The following MRAP variants were observed in gnomAD, a reference collection of about 807,000 sequenced individuals.
MRAP encodes the protein melanocortin-2 receptor accessory protein.
Under a neutral mutation model 8.7 loss-of-function variants are expected in MRAP, and 8 were observed. The observed-to-expected ratio is 0.92, with a 90% CI of 0.54 to 1.66. The LOEUF (loss-of-function observed/expected upper bound fraction) is 1.66, where lower values mean the gene tolerates loss of function less well. Ranked by LOEUF, MRAP falls within the 40% of genes most tolerant of loss-of-function variation. MRAP has a pLI of 0.00. For synonymous variants in MRAP, 95 were observed against 95.5 expected, an observed-to-expected ratio of 1.00 and a Z score of 0.03; for missense variants, 237 against 217.1, an observed-to-expected ratio of 1.09 and a Z score of -0.58.
chr21:32,304,916 T>C (rs1417625716), intron 1 of MRAP, among the ~76,000 whole-genome samples: 1 of 151,712 alleles, frequency 6.6e-6, no homozygotes, highest in Admixed American at 6.6e-5. Flanking sequence ...TCGCCAATAC[T>C]GTGCCTTTTC....
rs1569026409 is a variant in MRAP at position 32,300,698 on chromosome 21, GGGCGTCATGCGTCCT to G, written c.106+1622_106+1636del. 6.0e-3 allele frequency among the ~76,000 whole-genome samples: 88 copies of G among 14,722 alleles called. 2 individuals are homozygous for G. The highest frequency in any genetic ancestry group is 7.2e-3 in the African/African-American group (41 of 5,734). 9.7% of individuals were successfully genotyped at this position (14,722 alleles called of 152,430 possible). Reference sequence around the variant, plus strand: ...GGATGTGTCACGCGTCCTATGTCAGGGGCGTCATGCGTCCTATGTCGGGGCGTCATTCGTCCTATG... The same window carrying G: ...GGATGTGTCACGCGTCCTATGTCAGGATGTCGGGGCGTCATTCGTCCTATG... On this transcript the variant is annotated intron_variant, in intron 1 of 2. Transcript: ENST00000303645.
chr21:32,295,607 T>C (rs1396528533), upstream of MRAP, among the ~76,000 whole-genome samples: 3 of 152,188 alleles, frequency 2.0e-5, no homozygotes, highest in African/African-American at 7.2e-5. Context: ...TGCTCATACC[T>C]GACTAGCTAC....
chr21:32,310,337 TG>T (rs113685676), intron 2 of MRAP, among the ~76,000 whole-genome samples: 1,610 of 124,394 alleles, frequency 0.013, 26 homozygotes, highest in African/African-American at 0.042. Context: ...CTTCCCATGA[TG>T]GGGGGGGGAG....
chr21:32,302,371 G>A (rs1161838520), intron 1 of MRAP, among the ~76,000 whole-genome samples: 1 of 152,212 alleles, frequency 6.6e-6, no homozygotes, highest in Non-Finnish European at 1.5e-5. Flanking sequence ...AGTATTTGAT[G>A]AATATATGTG....
chr21:32,295,065 T>C (rs1332086935), upstream of MRAP, among the ~76,000 whole-genome samples: 1 of 151,350 alleles, frequency 6.6e-6, no homozygotes, highest in Non-Finnish European at 1.5e-5. Flanking sequence ...TGATGGATAG[T>C]GGTATCACTA....
rs960161243 is a variant in MRAP, at chr21:32,312,232, T to C, written c.*236T>C. On this transcript the variant is annotated 3_prime_UTR_variant, in exon 3 of 3. Transcript: ENST00000303645. ...GAGCACACCTAGCCTGCTTGCTTAC[T>C]GCTTATATTTGCTCAGGGAAGAGTA... 1.4e-6 allele frequency: 2 copies of C among 1,433,622 alleles called. No individual in the cohort carries two copies. The highest frequency in any genetic ancestry group is 2.9e-5 in the African/African-American group (2 of 69,804). 88.8% of individuals were successfully genotyped at this position (1,433,622 alleles called of 1,614,324 possible). A position where few individuals can be genotyped will look rare whatever the true frequency, so the allele number is the denominator to read the frequency against.
chr21:32,297,990 A>G (rs2123494316), upstream of MRAP, among the ~76,000 whole-genome samples: 1 of 152,304 alleles, frequency 6.6e-6, no homozygotes, highest in East Asian at 1.9e-4. Context: ...TGAATCAAGA[A>G]CACAAGAAAG....
chr21:32,302,622 T>C (rs1178589789), intron 1 of MRAP, among the ~76,000 whole-genome samples: 1 of 152,236 alleles, frequency 6.6e-6, no homozygotes, highest in African/African-American at 2.4e-5. Flanking sequence ...CACATCCTTC[T>C]AGCTCATTGC....
intron 2 of MRAP, chr21:32,311,473 C>A: frequency 2.2e-6 from 1 of 464,144 alleles, no homozygotes; most frequent in Non-Finnish European, 3.6e-6. Flanking sequence ...GACCTGAGGC[C>A]TAGTTCCTGA....
chr21:32,310,281 T>C (rs967881729), intron 2 of MRAP, among the ~76,000 whole-genome samples: 2 of 148,526 alleles, frequency 1.3e-5, no homozygotes, highest in Non-Finnish European at 1.5e-5. Context: ...GGCGGCAAAG[T>C]GGATCCTCAG....
rs1269804585 is a variant in MRAP, at chr21:32,312,028, C to T, written c.*32C>T. 6.2e-6 allele frequency: 10 copies of T among 1,612,106 alleles called. No individual in the cohort carries two copies. Among genetic ancestry groups the T allele is most frequent in the Non-Finnish European group, 8.5e-6 (10 of 1,180,022 alleles). On this transcript the variant is annotated 3_prime_UTR_variant, in exon 3 of 3. Transcript: ENST00000303645. ...TAAATCGTGGCCATAGCTGAGTGAA[C>T]TGGTGAAATCAAGCCAACCTGGACA...
chr21:32,295,599 C>T (rs1214788033), upstream of MRAP, among the ~76,000 whole-genome samples: 1 of 152,174 alleles, frequency 6.6e-6, no homozygotes, highest in Non-Finnish European at 1.5e-5. Context: ...TCCTGCCTTG[C>T]TCATACCTGA....
At chr21:32,307,542 A>ACT (rs1435970044) in intron 2 of MRAP, among the ~76,000 whole-genome samples, 2 of 148,302 alleles carry the variant, frequency 1.3e-5, no homozygotes, top group Non-Finnish European at 3.0e-5. Context: ...GTGCCACTAC[A>ACT]CTCCAGTCTG....
At chr21:32,308,978 G>A (rs993449755) in intron 2 of MRAP, among the ~76,000 whole-genome samples, 8 of 152,320 alleles carry the variant, frequency 5.3e-5, no homozygotes, top group Non-Finnish European at 1.0e-4. Flanking sequence ...TGCGTCCCAT[G>A]CCAGGTCCCG....
chr21:32,314,187 A>AT (rs902871538), downstream of MRAP: 4 of 192,880 alleles, frequency 2.1e-5, no homozygotes, highest in South Asian at 1.0e-4. Context: ...AACAAACTTT[A>AT]TTTTTTTATT....
upstream of MRAP, among the ~76,000 whole-genome samples, chr21:32,298,469 C>A (rs981888083): frequency 1.3e-5 from 2 of 152,210 alleles, no homozygotes; most frequent in Admixed American, 6.5e-5. Context: ...GATATTGAAT[C>A]TAAGCCAGCA....
intron 1 of MRAP, among the ~76,000 whole-genome samples, chr21:32,304,965 GTTT>G (rs537525538): frequency 6.4e-5 from 5 of 78,102 alleles, no homozygotes; most frequent in South Asian, 4.8e-4. Context: ...TTTTTTTGTT[GTTT>G]TTTTTTTTTT....
chr21:32,295,537 C>A (rs750355826), upstream of MRAP, among the ~76,000 whole-genome samples: 1 of 152,182 alleles, frequency 6.6e-6, no homozygotes, highest in Non-Finnish European at 1.5e-5. Flanking sequence ...ACAGCCTAAC[C>A]ATCACTTGAT....
chr21:32,296,032 AT>A (rs1326679696), upstream of MRAP, among the ~76,000 whole-genome samples: 1 of 152,114 alleles, frequency 6.6e-6, no homozygotes, highest in African/African-American at 2.4e-5. Flanking sequence ...TTTCCTCACA[AT>A]TCTGGAGGCT....
Sources: gnomAD v4.1 joint callset for allele counts (sites outside exome capture counted in the v4.1 genomes callset) on GRCh38, gnomAD v4.1.1 for gene constraint, MANE v1.5 for transcripts, NCBI Gene and HGNC (gene_info 2026-07-23, HGNC 2026-07-21) for gene names.